Variants in HS6ST3 observed in about 807,000 individuals in gnomAD.
The protein encoded by HS6ST3 is heparan-sulfate 6-O-sulfotransferase 3.
HS6ST3 carries 12 observed loss-of-function variants against 36.7 expected under a neutral mutation model. The observed-to-expected ratio is 0.33, with a 90% confidence interval of 0.21 to 0.53. The LOEUF is 0.53. Among genes scored for constraint, HS6ST3 ranks in the 20% least tolerant of loss-of-function variants. The probability of loss-of-function intolerance (pLI) is 0.95; values close to 1 mark genes in which losing one functional copy is unlikely to be tolerated. For missense variants in HS6ST3, 584 were observed against 640.9 expected, an observed-to-expected ratio of 0.91 and a Z score of 0.96; for synonymous variants, 240 against 257.5, an observed-to-expected ratio of 0.93 and a Z score of 0.65.
chr13:96,576,943 C>CAAAAAA (rs1157924077), intron 1 of HS6ST3, among the ~76,000 whole-genome samples: 5 of 26,850 alleles, frequency 1.9e-4, no homozygotes, highest in African/African-American at 5.6e-4. Context: ...GACTCTGTCT[C>CAAAAAA]AAAAAAAAAA....
At chr13:96,446,623 G>T (rs1192846199) in intron 1 of HS6ST3, among the ~76,000 whole-genome samples, 1 of 152,122 alleles carries the variant, frequency 6.6e-6, no homozygotes, top group East Asian at 1.9e-4. Context: ...TTTTTTTACT[G>T]AGTTCTTATG....
chr13:96,831,422 A>C (rs190633780), intron 1 of HS6ST3, among the ~76,000 whole-genome samples: 24 of 152,342 alleles, frequency 1.6e-4, no homozygotes, highest in Admixed American at 1.3e-3. Flanking sequence ...ACTGCAGGTC[A>C]GGTATTAACT....
At chr13:96,648,140 C>T (rs2056595117) in intron 1 of HS6ST3, among the ~76,000 whole-genome samples, 1 of 152,006 alleles carries the variant, frequency 6.6e-6, no homozygotes, top group Non-Finnish European at 1.5e-5. Flanking sequence ...GCTTTTATAC[C>T]AGAGAAATTG....
chr13:96,648,854 G>A (rs1431615508), intron 1 of HS6ST3, among the ~76,000 whole-genome samples: 1 of 151,998 alleles, frequency 6.6e-6, no homozygotes, highest in African/African-American at 2.4e-5. Flanking sequence ...TGGCTGCATA[G>A]TACTTCCTAG....
chr13:96,362,089 A>C (rs2055241634), intron 1 of HS6ST3, among the ~76,000 whole-genome samples: 1 of 152,202 alleles, frequency 6.6e-6, no homozygotes, highest in Admixed American at 6.5e-5. Context: ...GTTGCAAGTT[A>C]AATTCAGTGG....
At chr13:96,301,898 T>TATA (rs71113989) in intron 1 of HS6ST3, among the ~76,000 whole-genome samples, 26,586 of 137,578 alleles carry the variant, frequency 0.19, 2,823 homozygotes, top group Non-Finnish European at 0.23. Context: ...AGACTCCATC[T>TATA]ATAATAATAA....
chr13:96,801,768 A>T (rs1484882896), intron 1 of HS6ST3, among the ~76,000 whole-genome samples: 1 of 152,050 alleles, frequency 6.6e-6, no homozygotes, highest in African/African-American at 2.4e-5. Flanking sequence ...ACATTTCTGG[A>T]GCAAACTGGG....
At chr13:96,477,420 T>C (rs2055869309) in intron 1 of HS6ST3, among the ~76,000 whole-genome samples, 1 of 152,246 alleles carries the variant, frequency 6.6e-6, no homozygotes, top group Admixed American at 6.5e-5. Context: ...AGTGAGATTT[T>C]ATGTTCAAGA....
At chr13:96,793,514 T>C (rs759053197) in intron 1 of HS6ST3, among the ~76,000 whole-genome samples, 13 of 151,998 alleles carry the variant, frequency 8.6e-5, no homozygotes, top group Non-Finnish European at 1.8e-4. Flanking sequence ...TAAGCAGAAA[T>C]CATCTGTGAA....
chr13:96,578,682 C>G (rs531535434), intron 1 of HS6ST3, among the ~76,000 whole-genome samples: 1 of 152,280 alleles, frequency 6.6e-6, no homozygotes, highest in East Asian at 1.9e-4. Context: ...ACCTCAGCCT[C>G]CCAGGTAGCT....
chr13:96,120,077 T>C (rs939120018), intron 1 of HS6ST3, among the ~76,000 whole-genome samples: 1 of 152,196 alleles, frequency 6.6e-6, no homozygotes, highest in African/African-American at 2.4e-5. Context: ...TCAATATAAC[T>C]GGCGTCCTTC....
At chr13:96,376,462 A>T (rs2055315386) in intron 1 of HS6ST3, among the ~76,000 whole-genome samples, 1 of 152,192 alleles carries the variant, frequency 6.6e-6, no homozygotes, top group Non-Finnish European at 1.5e-5. Flanking sequence ...TCACATTCAC[A>T]TGACACTAGT....
intron 1 of HS6ST3, among the ~76,000 whole-genome samples, chr13:96,464,943 G>A (rs910945238): frequency 8.0e-6 from 1 of 124,376 alleles, no homozygotes; most frequent in African/African-American, 3.1e-5. Flanking sequence ...TTGGCAAGAT[G>A]CTTCGTGTGT....
At chr13:96,564,431 C>G (rs978590714) in intron 1 of HS6ST3, among the ~76,000 whole-genome samples, 1 of 152,144 alleles carries the variant, frequency 6.6e-6, no homozygotes, top group African/African-American at 2.4e-5. Flanking sequence ...TCATTGGGTG[C>G]TTTGCTTTAG....
chr13:96,403,102 T>A (rs1445023261), intron 1 of HS6ST3, among the ~76,000 whole-genome samples: 1 of 152,194 alleles, frequency 6.6e-6, no homozygotes, highest in Non-Finnish European at 1.5e-5. Context: ...ATGAAGAGGA[T>A]CTCATCATAG....
At chr13:96,319,859 A>G (rs2054995013) in intron 1 of HS6ST3, among the ~76,000 whole-genome samples, 1 of 152,176 alleles carries the variant, frequency 6.6e-6, no homozygotes, top group Non-Finnish European at 1.5e-5. Flanking sequence ...GCTGGGAGTC[A>G]GAAAGTTTTC....
chr13:96,780,179 T>C (rs1877489661), intron 1 of HS6ST3, among the ~76,000 whole-genome samples: 1 of 152,074 alleles, frequency 6.6e-6, no homozygotes, highest in South Asian at 2.1e-4. Flanking sequence ...TCAGAAGCTG[T>C]GAGGGAAGAT....
At position 96,111,092 on chromosome 13, in the gene HS6ST3, A is replaced by G. The variant is rs147062434; in HGVS notation, c.707+19523A>G. On this transcript the variant is annotated intron_variant, in intron 1 of 1. Transcript: ENST00000376705. Reference sequence around the variant, plus strand: ...AAAAATGCTTATTTTAAAAAATAAAATTAAAATTCTAGTTGACTGTGCAGG... The same window carrying G: ...AAAAATGCTTATTTTAAAAAATAAAGTTAAAATTCTAGTTGACTGTGCAGG... Among the ~76,000 whole-genome samples, 522 of 152,328 alleles carry G rather than the reference A, an allele frequency of 3.4e-3. 3 individuals are homozygous for G. The highest frequency in any genetic ancestry group is 0.012 in the African/African-American group (502 of 41,580).
chr13:96,199,666 T>G (rs1010885088), intron 1 of HS6ST3, among the ~76,000 whole-genome samples: 2 of 152,200 alleles, frequency 1.3e-5, no homozygotes, highest in Non-Finnish European at 2.9e-5. Context: ...AGACTATTAT[T>G]CTAAGACAAA....
Sources: gnomAD v4.1 joint callset for allele counts (sites outside exome capture counted in the v4.1 genomes callset) on GRCh38, gnomAD v4.1.1 for gene constraint, MANE v1.5 for transcripts, NCBI Gene and HGNC (gene_info 2026-07-23, HGNC 2026-07-21) for gene names.